Variants in DIAPH3 observed in about 807,000 individuals in gnomAD.
DIAPH3 encodes protein diaphanous homolog 3.
Under a neutral mutation model 144.3 loss-of-function variants are expected in DIAPH3, and 117 were observed. The ratio of observed to expected loss-of-function variants is 0.81; its 90% confidence interval spans 0.70 to 0.95. DIAPH3 has a LOEUF of 0.95. DIAPH3 is among the 40% of genes least tolerant of loss of function. The pLI, the probability that DIAPH3 is intolerant of heterozygous loss-of-function variation, is 0.00. For missense variants in DIAPH3, 1,421 were observed against 1,412.7 expected, an observed-to-expected ratio of 1.01 and a Z score of -0.09; for synonymous variants, 519 against 488.9, an observed-to-expected ratio of 1.06 and a Z score of -0.81.
chr13:59,788,117 T>A (rs1210564174), intron 25 of DIAPH3, among the ~76,000 whole-genome samples: 1 of 152,224 alleles, frequency 6.6e-6, no homozygotes, highest in African/African-American at 2.4e-5. Flanking sequence ...GCTTTAGATG[T>A]GATATAATCC....
At chr13:60,072,641 T>C (rs2057250595) in intron 4 of DIAPH3, among the ~76,000 whole-genome samples, 1 of 152,204 alleles carries the variant, frequency 6.6e-6, no homozygotes, top group Non-Finnish European at 1.5e-5. Flanking sequence ...CTATAAGTTA[T>C]AGTTACTAAA....
chr13:59,997,959 T>C (rs2052307117), intron 9 of DIAPH3, among the ~76,000 whole-genome samples: 1 of 152,136 alleles, frequency 6.6e-6, no homozygotes, highest in Non-Finnish European at 1.5e-5. Context: ...GCTTATTATC[T>C]GGGCCTGGAA....
At chr13:59,972,362 A>G (rs948689377) in intron 15 of DIAPH3, among the ~76,000 whole-genome samples, 10 of 152,212 alleles carry the variant, frequency 6.6e-5, no homozygotes, top group Non-Finnish European at 7.3e-5. Context: ...CGATGGATAC[A>G]AAGAAGACAT....
At chr13:59,952,419 A>C (rs2049148197) in intron 17 of DIAPH3, among the ~76,000 whole-genome samples, 1 of 152,158 alleles carries the variant, frequency 6.6e-6, no homozygotes, top group Admixed American at 6.5e-5. Flanking sequence ...CAAAGGAGCA[A>C]TTTTCAGGAA....
At chr13:60,043,518 A>G (rs1405633024) in intron 4 of DIAPH3, among the ~76,000 whole-genome samples, 2 of 152,194 alleles carry the variant, frequency 1.3e-5, no homozygotes, top group Non-Finnish European at 2.9e-5. Context: ...GTACACATGC[A>G]GAGAAAAACA....
At chr13:59,829,458 A>G (rs141600609) in intron 24 of DIAPH3, among the ~76,000 whole-genome samples, 3 of 152,026 alleles carry the variant, frequency 2.0e-5, no homozygotes, top group African/African-American at 7.2e-5. Context: ...CTATGTAATG[A>G]TAGGCAAGTC....
At chr13:59,960,396 T>C (rs1232413749) in intron 17 of DIAPH3, among the ~76,000 whole-genome samples, 1 of 152,058 alleles carries the variant, frequency 6.6e-6, no homozygotes, top group Non-Finnish European at 1.5e-5. Flanking sequence ...ACCACACAAA[T>C]GGAGGAGAAA....
chr13:59,729,125 C>T (rs966917278), intron 27 of DIAPH3, among the ~76,000 whole-genome samples: 4 of 152,158 alleles, frequency 2.6e-5, no homozygotes, highest in Admixed American at 2.6e-4. Context: ...ATCAGAATTC[C>T]TGGCAAGGTG....
chr13:59,998,901 C>A (rs2052365014), intron 9 of DIAPH3, among the ~76,000 whole-genome samples: 1 of 152,038 alleles, frequency 6.6e-6, no homozygotes, highest in South Asian at 2.1e-4. Context: ...TACTAATAGT[C>A]TGTATTCTTC....
chr13:59,666,527 A>G lies in DIAPH3; in HGVS notation c.*57T>C. ...TAAAAGCAATTTTTTCAAGTGTTAT[A>G]GTTTAGAGCATGGCTTTATATTTGG... On this transcript the variant is annotated 3_prime_UTR_variant, in exon 28 of 28. Transcript: ENST00000400324. 1 of 1,602,288 alleles carries G rather than the reference A, an allele frequency of 6.2e-7. No homozygotes were observed. Among genetic ancestry groups the G allele is most frequent in the Non-Finnish European group, 8.5e-7 (1 of 1,174,356 alleles).
chr13:60,116,241 T>C (rs1443072830), intron 2 of DIAPH3, among the ~76,000 whole-genome samples: 5 of 152,042 alleles, frequency 3.3e-5, no homozygotes, highest in African/African-American at 9.7e-5. Flanking sequence ...GGTAATTATA[T>C]AGCTACACAG....
At chr13:59,845,171 G>A (rs1418794047) in intron 22 of DIAPH3, among the ~76,000 whole-genome samples, 1 of 151,726 alleles carries the variant, frequency 6.6e-6, no homozygotes, top group Non-Finnish European at 1.5e-5. Flanking sequence ...TCAGTCTCCT[G>A]AGTAGCTAGG....
intron 25 of DIAPH3, among the ~76,000 whole-genome samples, chr13:59,782,311 G>A (rs982011255): frequency 2.6e-5 from 4 of 152,256 alleles, no homozygotes; most frequent in African/African-American, 9.6e-5. Flanking sequence ...TTAGTGGTGA[G>A]AGGGCATTAG....
intron 4 of DIAPH3, among the ~76,000 whole-genome samples, chr13:60,069,298 G>C (rs2057105080): frequency 6.6e-6 from 1 of 152,094 alleles, no homozygotes; most frequent in South Asian, 2.1e-4. Flanking sequence ...AAAAGGGTCT[G>C]CTCGTGTCCT....
chr13:59,762,551 G>A lies in DIAPH3; in HGVS notation c.3319+11638C>T, dbSNP rs969894475. ...AAAGTAAAATAGTATCTAGGACTATGCCAAGTAGTGTACCATAATCATATA... is the reference window on the plus strand; with the variant it reads ...AAAGTAAAATAGTATCTAGGACTATACCAAGTAGTGTACCATAATCATATA... On this transcript the variant is annotated intron_variant, in intron 27 of 27. Transcript: ENST00000400324. Among the ~76,000 whole-genome samples the A allele has an allele frequency of 4.6e-5, 7 of 152,154 alleles. No homozygotes were observed. The East Asian group carries it at 1.4e-3, about 29-fold the overall frequency.
intron 5 of DIAPH3, 144 bp downstream of exon 5, chr13:60,042,546 A>C: frequency 9.9e-7 from 1 of 1,012,576 alleles, no homozygotes; most frequent in Non-Finnish European, 1.5e-6. Flanking sequence ...TTGAGACTAT[A>C]TTTCTTCCTG....
At chr13:59,757,680 G>A (rs780445224) in intron 27 of DIAPH3, among the ~76,000 whole-genome samples, 10 of 151,984 alleles carry the variant, frequency 6.6e-5, no homozygotes, top group Non-Finnish European at 1.2e-4. Context: ...GATTACAGGC[G>A]TGAGCCACCG....
In DIAPH3 at chr13:59,665,752, C is replaced by T. The variant is rs2138563515; in HGVS notation, c.*832G>A. 1 of 152,504 alleles carries T rather than the reference C, an allele frequency of 6.6e-6. No homozygotes were observed. The highest frequency in any genetic ancestry group is 6.5e-5 in the Admixed American group (1 of 15,268). The allele number at this position is 152,504 out of a possible 1,614,324, so 9.4% of individuals were successfully genotyped here. On this transcript the variant is annotated 3_prime_UTR_variant, in exon 28 of 28. Coordinates refer to ENST00000400324, the MANE Select transcript of DIAPH3 (RefSeq NM_001042517.2). ...TTGTCAGATCAGAGAAATTGCAATCCCAAGTTTATTCATAAAATAAAAAAA... is the reference window on the plus strand; with the variant it reads ...TTGTCAGATCAGAGAAATTGCAATCTCAAGTTTATTCATAAAATAAAAAAA...
chr13:59,667,259 A>G (rs1308679949), intron 27 of DIAPH3, among the ~76,000 whole-genome samples: 1 of 152,228 alleles, frequency 6.6e-6, no homozygotes, highest in Non-Finnish European at 1.5e-5. Context: ...TTCACAGGGC[A>G]CATGATGGCT....
Sources: allele counts gnomAD v4.1 joint callset (sites outside exome capture counted in the v4.1 genomes callset), GRCh38; gene constraint gnomAD v4.1.1; transcripts MANE v1.5; gene names NCBI Gene and HGNC (gene_info 2026-07-23, HGNC 2026-07-21).